MEAF6: variants seen among roughly 807,000 people sequenced by gnomAD.
MEAF6 encodes the protein chromatin modification-related protein MEAF6.
A neutral mutation model predicts 28.9 loss-of-function variants in MEAF6; 15 were observed. The observed-to-expected ratio is 0.52, with a 90% confidence interval of 0.35 to 0.80. The LOEUF (loss-of-function observed/expected upper bound fraction) is 0.80, where lower values mean the gene tolerates loss of function less well. Among genes scored for constraint, MEAF6 ranks in the 30% least tolerant of loss-of-function variants. MEAF6 has a pLI of 0.01. For missense variants in MEAF6, 178 were observed against 237.5 expected (o/e 0.75, Z 1.65); for synonymous variants, 97 against 88.7 (o/e 1.09, Z -0.53).
At chr1:37,514,068 T>C (rs1019310434) in intron 1 of MEAF6, 6 of 171,738 alleles carry the variant, frequency 3.5e-5, no homozygotes, top group Non-Finnish European at 5.0e-5. Context: ...GCCACCAGAG[T>C]GCATTGGGCC....
chr1:37,499,426 A>C (rs866681400), intron 5 of MEAF6, among the ~76,000 whole-genome samples: 62 of 152,326 alleles, frequency 4.1e-4, no homozygotes, highest in African/African-American at 1.4e-3. Context: ...CCCTACTGAG[A>C]TATCAGTCAG....
intron 1 of MEAF6, chr1:37,514,082 G>A (rs1240985027): frequency 6.0e-6 from 1 of 166,354 alleles, no homozygotes; most frequent in African/African-American, 2.4e-5. Flanking sequence ...TTGGGCCTTG[G>A]GTGCCTGTCA....
chr1:37,500,331 A>C (rs1044199094), intron 5 of MEAF6, among the ~76,000 whole-genome samples: 6 of 152,198 alleles, frequency 3.9e-5, no homozygotes, highest in Admixed American at 3.3e-4. Flanking sequence ...CACTGGAGTA[A>C]ATTTAATAAA....
At chr1:37,506,108 T>A (rs1035669377) in intron 4 of MEAF6, among the ~76,000 whole-genome samples, 4 of 152,080 alleles carry the variant, frequency 2.6e-5, no homozygotes, top group African/African-American at 9.7e-5. Context: ...CATTCTCTAC[T>A]AAAAATACAA....
At chr1:37,499,514 T>A (rs1642228691) in intron 5 of MEAF6, among the ~76,000 whole-genome samples, 1 of 152,192 alleles carries the variant, frequency 6.6e-6, no homozygotes, top group African/African-American at 2.4e-5. Flanking sequence ...TGACCGCTCG[T>A]GTGCCATTCA....
chr1:37,503,581 A>G (rs1017134174), intron 4 of MEAF6, among the ~76,000 whole-genome samples: 6 of 150,606 alleles, frequency 4.0e-5, no homozygotes, highest in Non-Finnish European at 7.4e-5. Flanking sequence ...ACTTCAGCCC[A>G]TAAGTTTGAG....
At chr1:37,509,127 T>C in intron 4 of MEAF6, 151 bp downstream of exon 4, 2 of 709,318 alleles carry the variant, frequency 2.8e-6, no homozygotes, top group Non-Finnish European at 4.8e-6. Flanking sequence ...TGATTAAGGA[T>C]ACCCTAAAAG....
chr1:37,490,852 C>T lies in MEAF6; in HGVS notation c.*3247G>A, dbSNP rs915851765. On this transcript the variant is annotated 3_prime_UTR_variant, in exon 7 of 7. Coordinates refer to ENST00000296214, the MANE Select transcript of MEAF6 (RefSeq NM_001270875.3). Reference sequence around the variant, plus strand: ...CCAGCCTGGCCAATATGGTGAAACCCGGTCTCTATTGAAAATAAAAAAAAA... The same window carrying T: ...CCAGCCTGGCCAATATGGTGAAACCTGGTCTCTATTGAAAATAAAAAAAAA... Among the ~76,000 whole-genome samples the T allele has an allele frequency of 1.3e-5, 2 of 151,130 alleles. No individual in the cohort carries two copies. The highest frequency in any genetic ancestry group is 6.6e-5 in the Admixed American group (1 of 15,170).
intron 5 of MEAF6, 23 bp downstream of exon 5, chr1:37,501,781 G>A (rs1205593411): frequency 1.3e-6 from 2 of 1,536,600 alleles, no homozygotes; most frequent in Non-Finnish European, 1.8e-6. Flanking sequence ...GGGAGCTGCG[G>A]GGGTGGGATC....
intron 1 of MEAF6, 80 bp from the exon 2 acceptor site, chr1:37,513,618 T>C (rs1642737050): frequency 8.7e-7 from 1 of 1,147,914 alleles, no homozygotes; most frequent in South Asian, 1.2e-5. Flanking sequence ...AATCCTGATA[T>C]TAGACTCGTA....
In MEAF6 at chr1:37,494,143, C is replaced by G. The variant is rs763161480; in HGVS notation, c.568-36G>C. On this transcript the variant is annotated intron_variant, in intron 6 of 6. Coordinates refer to ENST00000296214, the MANE Select transcript of MEAF6 (RefSeq NM_001270875.3). ...AAAAACAAAAGTCCCAACTTACTCT[C>G]GGCAGAACAGTTGTTTGACCCTAAA... 5 of 1,579,164 alleles carry G rather than the reference C, an allele frequency of 3.2e-6. No individual in the cohort carries two copies. In the African/African-American group the frequency reaches 5.4e-5, roughly 17 times the overall value.
intron 5 of MEAF6, 58 bp from the exon 6 acceptor site, chr1:37,495,976 A>C: frequency 7.1e-7 from 1 of 1,414,548 alleles, no homozygotes; most frequent in Non-Finnish European, 1.0e-6. Context: ...TGGGTCCCAC[A>C]ATCAGCTACT....
chr1:37,494,089 A>G lies in MEAF6; in HGVS notation c.*10T>C. On this transcript the variant is annotated 3_prime_UTR_variant, in exon 7 of 7. Coordinates refer to ENST00000296214, the MANE Select transcript of MEAF6 (RefSeq NM_001270875.3). ...TCTACAGCCTGGAAGCTTCTGCACT[A>G]ATGTGTCTTCTAATAGTCCTAAAGA... The G allele has an allele frequency of 6.2e-7, 1 of 1,613,068 alleles. No homozygotes were observed. Among genetic ancestry groups the G allele is most frequent in the East Asian group, 2.2e-5 (1 of 44,886 alleles).
At chr1:37,503,429 T>C (rs1642379270) in intron 4 of MEAF6, among the ~76,000 whole-genome samples, 1 of 152,038 alleles carries the variant, frequency 6.6e-6, no homozygotes, top group African/African-American at 2.4e-5. Flanking sequence ...GGCAGGAGGA[T>C]GGCTTGAGGC....
In MEAF6 at chr1:37,513,547, T is replaced by C; in HGVS notation, c.91-9A>G. 6.3e-7 allele frequency: 1 copy of C among 1,597,640 alleles called. No homozygotes were observed. Among genetic ancestry groups the C allele is most frequent in the East Asian group, 2.2e-5 (1 of 44,806 alleles). Reference sequence around the variant, plus strand: ...AAATTTGCCAATGTTTCCTGAGAGATGAAAAACAAGGACATGAATGATACC... The same window carrying C: ...AAATTTGCCAATGTTTCCTGAGAGACGAAAAACAAGGACATGAATGATACC... On this transcript the variant is annotated splice_polypyrimidine_tract_variant and intron_variant, in intron 1 of 6. Coordinates refer to ENST00000296214, the MANE Select transcript of MEAF6 (RefSeq NM_001270875.3).
In MEAF6 at chr1:37,492,169, C is replaced by G. The variant is rs1457769431; in HGVS notation, c.*1930G>C. Reference sequence around the variant, plus strand: ...TCAGCCTCCCGAGTAGCTGGGACTACCGGCACCCGCCACCACGCTCAGCTA... The same window carrying G: ...TCAGCCTCCCGAGTAGCTGGGACTAGCGGCACCCGCCACCACGCTCAGCTA... On this transcript the variant is annotated 3_prime_UTR_variant, in exon 7 of 7. Coordinates refer to ENST00000296214, the MANE Select transcript of MEAF6 (RefSeq NM_001270875.3). Among the ~76,000 whole-genome samples, 1 of 152,008 alleles carries G rather than the reference C, an allele frequency of 6.6e-6. No homozygotes were observed. The highest frequency in any genetic ancestry group is 1.5e-5 in the Non-Finnish European group (1 of 67,996).
rs200632365 is a variant in MEAF6, at chr1:37,492,034, A to ATT, written c.*2063_*2064dup. Among the ~76,000 whole-genome samples the ATT allele has an allele frequency of 1.7e-4, 24 of 138,470 alleles. 1 individual carries two copies. Among genetic ancestry groups the ATT allele is most frequent in the East Asian group, 1.0e-3 (5 of 4,846 alleles). The allele number at this position is 138,470 out of a possible 152,430, so 90.8% of individuals were successfully genotyped here. Reference sequence around the variant, plus strand: ...TCTCAAACTGTTAAGAGTCAAAAATATTTTTTTTTTTTGAGATGGAGTCTC... The same window carrying ATT: ...TCTCAAACTGTTAAGAGTCAAAAATATTTTTTTTTTTTTTGAGATGGAGTCTC... On this transcript the variant is annotated 3_prime_UTR_variant, in exon 7 of 7. Transcript: ENST00000296214.
chr1:37,495,349 T>TAAAC (rs1331547671), intron 6 of MEAF6, among the ~76,000 whole-genome samples: 9 of 148,856 alleles, frequency 6.0e-5, no homozygotes, highest in African/African-American at 2.2e-4. Context: ...AATAAATAAA[T>TAAAC]AAATAAATAA....
chr1:37,504,353 TA>T (rs1642409382), intron 4 of MEAF6, among the ~76,000 whole-genome samples: 1 of 152,214 alleles, frequency 6.6e-6, no homozygotes, highest in Non-Finnish European at 1.5e-5. Flanking sequence ...TTAATACAGG[TA>T]TATTTGTATT....
Sources: gnomAD v4.1 joint callset for allele counts (sites outside exome capture counted in the v4.1 genomes callset) on GRCh38, gnomAD v4.1.1 for gene constraint, MANE v1.5 for transcripts, NCBI Gene and HGNC (gene_info 2026-07-23, HGNC 2026-07-21) for gene names.